Variants in ATP8A1 observed in about 807,000 individuals in gnomAD.
ATP8A1 encodes the protein phospholipid-transporting ATPase IA.
A neutral mutation model predicts 177.7 loss-of-function variants in ATP8A1; 90 were observed. The observed-to-expected ratio is 0.51, with a 90% confidence interval of 0.43 to 0.60. The LOEUF (loss-of-function observed/expected upper bound fraction) is 0.60. ATP8A1 is among the 20% of genes least tolerant of loss of function. The probability of loss-of-function intolerance (pLI) is 0.00; values close to 1 mark genes in which losing one functional copy is unlikely to be tolerated. For missense variants in ATP8A1, 1,072 were observed against 1,392.8 expected, an observed-to-expected ratio of 0.77 and a Z score of 3.67; for synonymous variants, 493 against 485.9, an observed-to-expected ratio of 1.01 and a Z score of -0.19.
At chr4:42,511,092 C>T (rs1215234907) in intron 22 of ATP8A1, among the ~76,000 whole-genome samples, 3 of 152,114 alleles carry the variant, frequency 2.0e-5, no homozygotes, top group African/African-American at 7.2e-5. Context: ...TTCCCTTTAT[C>T]CCAGGAGCTC....
In ATP8A1 at chr4:42,416,760, G is replaced by C. The variant is rs1713290545; in HGVS notation, c.3306-2042C>G. Among the ~76,000 whole-genome samples the C allele has an allele frequency of 2.6e-5, 4 of 151,038 alleles. No homozygotes were observed. The South Asian group carries it at 8.4e-4, about 32-fold the overall frequency. ...CTCAGGCAGACTGTGAGGATGCAGGGAGCTGTCAGCACAATGACTGACACT... is the reference window on the plus strand; with the variant it reads ...CTCAGGCAGACTGTGAGGATGCAGGCAGCTGTCAGCACAATGACTGACACT... On this transcript the variant is annotated intron_variant, in intron 35 of 36. Transcript: ENST00000381668.
At chr4:42,626,699 G>T (rs1382521311) in intron 2 of ATP8A1, 2 of 334,596 alleles carry the variant, frequency 6.0e-6, no homozygotes, top group Admixed American at 9.3e-5. Context: ...GTAACGCATC[G>T]CTCTATTAAC....
intron 1 of ATP8A1, among the ~76,000 whole-genome samples, 172 bp downstream of exon 1, chr4:42,656,653 C>A (rs1161864998): frequency 1.3e-5 from 2 of 152,108 alleles, no homozygotes; most frequent in Non-Finnish European, 2.9e-5. Context: ...AAAGGGTCTG[C>A]GAGTACACTG....
Position 42,423,658 on chromosome 4 carries a change from G to A in ATP8A1, c.3171C>T (p.Phe1057=). The change falls in exon 34 of 37, where the codon TTC becomes TTT. Residue 1057 remains phenylalanine, a synonymous_variant. Transcript: ENST00000381668. The part of the protein sequence containing the change: ...SSGVFWMGLL[F]IPVASLLLDV... ...CAAGGAGCAGAGATGCCACAGGGAT[G>A]AATAACAAGCCCATCCAAAAGACTC... 1 of 1,612,808 alleles carries A rather than the reference G, an allele frequency of 6.2e-7. No homozygotes were observed. The highest frequency in any genetic ancestry group is 8.5e-7 in the Non-Finnish European group (1 of 1,179,508).
chr4:42,436,690 C>A (rs1219775359), intron 33 of ATP8A1, among the ~76,000 whole-genome samples: 1 of 152,162 alleles, frequency 6.6e-6, no homozygotes, highest in Non-Finnish European at 1.5e-5. Context: ...TAGTTGTTCC[C>A]TCCAGGCTAC....
At chr4:42,438,745 CA>C (rs1273481475) in intron 33 of ATP8A1, among the ~76,000 whole-genome samples, 2 of 151,962 alleles carry the variant, frequency 1.3e-5, no homozygotes, top group Non-Finnish European at 2.9e-5. Context: ...CAATGGGCCC[CA>C]AAAAGAAGGT....
At chr4:42,577,377 A>G (rs1732578592) in intron 12 of ATP8A1, among the ~76,000 whole-genome samples, 1 of 152,146 alleles carries the variant, frequency 6.6e-6, no homozygotes, top group Non-Finnish European at 1.5e-5. Context: ...TTTCTTACCA[A>G]TGAATTAAGA....
At chr4:42,625,785 C>G in intron 2 of ATP8A1, 72 bp from the exon 3 acceptor site, 1 of 883,940 alleles carries the variant, frequency 1.1e-6, no homozygotes. Flanking sequence ...AGTTCTGTTA[C>G]TAACATATAA....
At chr4:42,431,693 G>A (rs1205595133) in intron 33 of ATP8A1, among the ~76,000 whole-genome samples, 1 of 152,146 alleles carries the variant, frequency 6.6e-6, no homozygotes, top group East Asian at 1.9e-4. Context: ...TTCTGGCTCT[G>A]ACCCCTCTGA....
intron 22 of ATP8A1, among the ~76,000 whole-genome samples, chr4:42,519,145 T>C (rs757050006): frequency 6.6e-6 from 1 of 152,134 alleles, no homozygotes; most frequent in Non-Finnish European, 1.5e-5. Flanking sequence ...TGGAGTGCAG[T>C]GGTACTTTCA....
At chr4:42,544,689 A>G (rs1016482489) in intron 19 of ATP8A1, among the ~76,000 whole-genome samples, 1 of 152,326 alleles carries the variant, frequency 6.6e-6, no homozygotes, top group Non-Finnish European at 1.5e-5. Context: ...GATAGGACTC[A>G]TTTGGACCAT....
intron 29 of ATP8A1, among the ~76,000 whole-genome samples, chr4:42,453,969 C>G (rs1160937754): frequency 2.0e-5 from 3 of 151,980 alleles, no homozygotes; most frequent in African/African-American, 4.8e-5. Context: ...CTGGGCATCA[C>G]AAATAAATTT....
At chr4:42,435,441 A>C (rs1328643393) in intron 33 of ATP8A1, among the ~76,000 whole-genome samples, 26 of 107,940 alleles carry the variant, frequency 2.4e-4, no homozygotes, top group Middle Eastern at 4.5e-3. Context: ...AAAAAAAAAA[A>C]AAAAAAAACA....
chr4:42,647,481 A>G (rs1052869201), intron 1 of ATP8A1, among the ~76,000 whole-genome samples: 1 of 151,988 alleles, frequency 6.6e-6, no homozygotes, highest in Admixed American at 6.6e-5. Flanking sequence ...AAATTTTTAT[A>G]ACAAAATATT....
At chr4:42,626,527 C>A (rs1198652663) in intron 2 of ATP8A1, 1 of 160,264 alleles carries the variant, frequency 6.2e-6, no homozygotes, top group Non-Finnish European at 1.4e-5. Context: ...GAAAACACAA[C>A]AGTGCAGTGA....
intron 19 of ATP8A1, among the ~76,000 whole-genome samples, chr4:42,544,651 T>C (rs1181357277): frequency 2.0e-5 from 3 of 152,210 alleles, no homozygotes; most frequent in East Asian, 3.8e-4. Flanking sequence ...TAACACTGAA[T>C]GGAAGAAACT....
chr4:42,606,168 G>A (rs546727535), intron 5 of ATP8A1, among the ~76,000 whole-genome samples: 4 of 152,256 alleles, frequency 2.6e-5, no homozygotes, highest in Non-Finnish European at 5.9e-5. Context: ...CAATTACAAC[G>A]GGTTGGATAA....
intron 25 of ATP8A1, among the ~76,000 whole-genome samples, chr4:42,481,055 G>A (rs1412388083): frequency 2.0e-5 from 3 of 152,168 alleles, no homozygotes; most frequent in Non-Finnish European, 4.4e-5. Context: ...GAAAGGCTGG[G>A]TTATGTGAAC....
chr4:42,443,009 C>A (rs1033503242), intron 33 of ATP8A1, among the ~76,000 whole-genome samples: 2 of 152,108 alleles, frequency 1.3e-5, no homozygotes, highest in African/African-American at 4.8e-5. Flanking sequence ...CAATTCCTAC[C>A]CGTGTAACAA....
Sources: gnomAD v4.1 joint callset for allele counts (sites outside exome capture counted in the v4.1 genomes callset) on GRCh38, gnomAD v4.1.1 for gene constraint, MANE v1.5 for transcripts, NCBI Gene and HGNC (gene_info 2026-07-23, HGNC 2026-07-21) for gene names.